Variants in SH3RF3 observed in about 807,000 individuals in gnomAD.
The protein encoded by SH3RF3 is E3 ubiquitin-protein ligase SH3RF3.
In SH3RF3, 29 loss-of-function variants were observed where a neutral mutation model predicts 66.3. The observed-to-expected ratio is 0.44, with a 90% CI of 0.33 to 0.60. The LOEUF (loss-of-function observed/expected upper bound fraction) is 0.60, where lower values mean the gene tolerates loss of function less well. Ranked by LOEUF, SH3RF3 falls within the 20% of genes least tolerant of loss-of-function variation. The probability of loss-of-function intolerance (pLI) is 0.04; values close to 1 mark genes in which losing one functional copy is unlikely to be tolerated. For synonymous variants in SH3RF3, 583 were observed against 532.0 expected (o/e 1.10, Z -1.32); for missense variants, 1,194 against 1,190.9 (o/e 1.00, Z -0.04).
At chr2:109,155,565 T>C (rs1389756426) in intron 1 of SH3RF3, among the ~76,000 whole-genome samples, 2 of 152,212 alleles carry the variant, frequency 1.3e-5, no homozygotes, top group Non-Finnish European at 2.9e-5. Context: ...CCTCCCAAAG[T>C]GCTGGGATTA....
rs534416249 is a variant in SH3RF3 at position 109,304,564 on chromosome 2, C to T, written c.574-43110C>T. Among the ~76,000 whole-genome samples the T allele has an allele frequency of 1.1e-3, 167 of 152,286 alleles. 1 individual carries two copies. Among genetic ancestry groups the T allele is most frequent in the Non-Finnish European group, 1.9e-3 (128 of 68,026 alleles). ...CTGACTGGGTAAGAGTGGTTAACTC[C>T]GCTGCACCCGTCGGCACTGCCCTCA... On this transcript the variant is annotated intron_variant, in intron 1 of 9. Coordinates refer to ENST00000309415, the MANE Select transcript of SH3RF3 (RefSeq NM_001099289.3).
chr2:109,371,922 C>T (rs940225908), intron 3 of SH3RF3, among the ~76,000 whole-genome samples: 7 of 152,208 alleles, frequency 4.6e-5, no homozygotes, highest in Non-Finnish European at 8.8e-5. Context: ...CATCTCACCA[C>T]GTGGGCAGTG....
chr2:109,463,743 A>G (rs929618611), intron 8 of SH3RF3, among the ~76,000 whole-genome samples: 12 of 152,138 alleles, frequency 7.9e-5, no homozygotes, highest in African/African-American at 2.9e-4. Context: ...CTGGCTGCAA[A>G]TGTTTGTTTT....
rs751321197 is a variant in SH3RF3, at chr2:109,398,766, G to C, written c.1122G>C (p.Lys374Asn). Reference sequence around the variant, plus strand: ...TTCAGCGGCGTGTGGATGGCAAGAAGAACACCAAGAAACGCCACTCCTTCA... The same window carrying C: ...TTCAGCGGCGTGTGGATGGCAAGAACAACACCAAGAAACGCCACTCCTTCA... ...SAFQRRVDGKKNTKKRHSFTA... is the reference protein window; with the variant it reads ...SAFQRRVDGKNNTKKRHSFTA... Residue 374 changes from lysine (K) to asparagine (N), a missense_variant, in exon 4 of 10, where the codon AAG becomes AAC. By Grantham distance (94) the Lys-to-Asn change is moderately conservative. Coordinates refer to ENST00000309415, the MANE Select transcript of SH3RF3 (RefSeq NM_001099289.3). 6.2e-7 allele frequency: 1 copy of C among 1,613,566 alleles called. No homozygotes were observed. The highest frequency in any genetic ancestry group is 8.5e-7 in the Non-Finnish European group (1 of 1,179,830).
At chr2:109,248,162 G>GT (rs1679966555) in intron 1 of SH3RF3, among the ~76,000 whole-genome samples, 1 of 152,158 alleles carries the variant, frequency 6.6e-6, no homozygotes, top group African/African-American at 2.4e-5. Context: ...ATTAGGAGGA[G>GT]TTTTTAAAAT....
chr2:109,201,006 G>A lies in SH3RF3; in HGVS notation c.573+70893G>A, dbSNP rs369376252. 3.1e-4 allele frequency among the ~76,000 whole-genome samples: 47 copies of A among 152,300 alleles called. 1 individual carries two copies. The South Asian group carries it at 9.5e-3, about 31-fold the overall frequency. On this transcript the variant is annotated intron_variant, in intron 1 of 9. Coordinates refer to ENST00000309415, the MANE Select transcript of SH3RF3 (RefSeq NM_001099289.3). ...TGCTGGGGACAAAGGGGCAGCAGCA[G>A]CAGCTAAGTGGCTGTGGGGACCTGG...
intron 1 of SH3RF3, among the ~76,000 whole-genome samples, chr2:109,288,066 C>A (rs1220617412): frequency 2.0e-5 from 3 of 152,222 alleles, no homozygotes; most frequent in Non-Finnish European, 4.4e-5. Flanking sequence ...TGTCACATCA[C>A]TAGCCTTAAT....
At chr2:109,265,393 C>T (rs1361101367) in intron 1 of SH3RF3, among the ~76,000 whole-genome samples, 1 of 152,216 alleles carries the variant, frequency 6.6e-6, no homozygotes, top group African/African-American at 2.4e-5. Context: ...CACAGTTTAT[C>T]AGATGGTGGA....
intron 1 of SH3RF3, among the ~76,000 whole-genome samples, chr2:109,272,217 T>G (rs1349667959): frequency 6.6e-6 from 1 of 152,198 alleles, no homozygotes; most frequent in Non-Finnish European, 1.5e-5. Context: ...TCTGACAGCC[T>G]TTTTCCTAGT....
At chr2:109,202,783 T>C (rs1480387965) in intron 1 of SH3RF3, among the ~76,000 whole-genome samples, 1 of 152,174 alleles carries the variant, frequency 6.6e-6, no homozygotes, top group Non-Finnish European at 1.5e-5. Flanking sequence ...CTTAGGATCA[T>C]ACACACATTT....
chr2:109,152,278 C>T (rs768205611), intron 1 of SH3RF3, among the ~76,000 whole-genome samples: 3 of 152,204 alleles, frequency 2.0e-5, no homozygotes, highest in Non-Finnish European at 4.4e-5. Flanking sequence ...TGGGCATGTT[C>T]CCCTTGTTGT....
chr2:109,185,338 A>G (rs1168610825), intron 1 of SH3RF3, among the ~76,000 whole-genome samples: 1 of 152,228 alleles, frequency 6.6e-6, no homozygotes, highest in Non-Finnish European at 1.5e-5. Context: ...TTTAAACAAT[A>G]AAAGATTGGA....
At chr2:109,303,241 C>A (rs1681513005) in intron 1 of SH3RF3, among the ~76,000 whole-genome samples, 1 of 152,226 alleles carries the variant, frequency 6.6e-6, no homozygotes, top group African/African-American at 2.4e-5. Flanking sequence ...TTGGCCCCAA[C>A]AGGATCTGAG....
chr2:109,129,715 G>GT lies in SH3RF3; in HGVS notation c.176dup (p.Cys60ValfsTer153). 1 of 1,537,184 alleles carries GT rather than the reference G, an allele frequency of 6.5e-7. No individual in the cohort carries two copies. The highest frequency in any genetic ancestry group is 1.8e-4 in the Middle Eastern group (1 of 5,692). The stretch of plus-strand genomic sequence containing the variant: ...GCTGCTGGACCTGCTGGAGTGCTCC[G>GT]TGTGTCTGGAGCGCCTGGACACCAC... On this transcript the variant is annotated frameshift_variant, in exon 1 of 10. Transcript: ENST00000309415. LOFTEE classifies it high-confidence loss of function.
Position 109,331,756 on chromosome 2 carries a change from A to G in SH3RF3, c.574-15918A>G, listed in dbSNP as rs111440385. Among the ~76,000 whole-genome samples, 1,142 of 152,304 alleles carry G rather than the reference A, an allele frequency of 7.5e-3. 20 individuals are homozygous for G. Among genetic ancestry groups the G allele is most frequent in the African/African-American group, 0.027 (1,110 of 41,562 alleles). On this transcript the variant is annotated intron_variant, in intron 1 of 9. Transcript: ENST00000309415. Reference sequence around the variant, plus strand: ...ATGTCTGGCACATATTAGGTGGCCAATAAGTACTTGGTGACTGATTGAATG... The same window carrying G: ...ATGTCTGGCACATATTAGGTGGCCAGTAAGTACTTGGTGACTGATTGAATG...
intron 1 of SH3RF3, among the ~76,000 whole-genome samples, chr2:109,174,782 C>A (rs1210256912): frequency 6.6e-6 from 1 of 152,196 alleles, no homozygotes; most frequent in Non-Finnish European, 1.5e-5. Flanking sequence ...CTCGCTGGAG[C>A]CCTGCTGGCA....
chr2:109,460,936 C>T (rs1678194425), intron 8 of SH3RF3, among the ~76,000 whole-genome samples: 1 of 152,240 alleles, frequency 6.6e-6, no homozygotes, highest in Non-Finnish European at 1.5e-5. Flanking sequence ...GCTGCAGCTG[C>T]CCACTTTCAG....
intron 3 of SH3RF3, among the ~76,000 whole-genome samples, chr2:109,387,988 G>T (rs937305164): frequency 6.6e-6 from 1 of 152,030 alleles, no homozygotes; most frequent in African/African-American, 2.4e-5. Flanking sequence ...GGACTCCTCG[G>T]TCCCTGTTCA....
At chr2:109,144,530 G>A (rs1470334917) in intron 1 of SH3RF3, among the ~76,000 whole-genome samples, 2 of 152,232 alleles carry the variant, frequency 1.3e-5, no homozygotes, top group African/African-American at 4.8e-5. Flanking sequence ...GAGTTTGAAC[G>A]AGGTGAATAT....
Sources: gnomAD v4.1 joint callset for allele counts (sites outside exome capture counted in the v4.1 genomes callset) on GRCh38, gnomAD v4.1.1 for gene constraint, MANE v1.5 for transcripts, NCBI Gene and HGNC (gene_info 2026-07-23, HGNC 2026-07-21) for gene names.